The following REEP5 variants were observed in gnomAD, a reference collection of about 807,000 sequenced individuals.
REEP5 encodes the protein receptor expression-enhancing protein 5.
A neutral mutation model predicts 22.4 loss-of-function variants in REEP5; 24 were observed. The observed-to-expected ratio is 1.07, with a 90% confidence interval of 0.78 to 1.51. The LOEUF is 1.51. Among genes scored for constraint, REEP5 ranks in the 40% most tolerant of loss-of-function variants. REEP5 has a pLI of 0.00. For synonymous variants in REEP5, 103 were observed against 88.6 expected (o/e 1.16, Z -0.92); for missense variants, 252 against 233.0 (o/e 1.08, Z -0.53).
chr5:112,897,370 C>G (rs1008361399), intron 3 of REEP5: 1 of 150,984 alleles, frequency 6.6e-6, no homozygotes, highest in Non-Finnish European at 1.5e-5. Context: ...CACACACACA[C>G]ACACACACAC....
At chr5:112,906,151 G>A (rs1367612301) in intron 2 of REEP5, among the ~76,000 whole-genome samples, 2 of 152,228 alleles carry the variant, frequency 1.3e-5, no homozygotes, top group African/African-American at 4.8e-5. Flanking sequence ...CCATAGAATG[G>A]AGGGGTAGAA....
chr5:112,884,561 G>A (rs1356703212), intron 4 of REEP5, among the ~76,000 whole-genome samples: 6 of 151,848 alleles, frequency 4.0e-5, no homozygotes, highest in Non-Finnish European at 8.8e-5. Context: ...AATTTTTGTA[G>A]AGAGCGGGTC....
At chr5:112,914,439 T>C (rs1297369702) in intron 2 of REEP5, among the ~76,000 whole-genome samples, 1 of 151,942 alleles carries the variant, frequency 6.6e-6, no homozygotes, top group Non-Finnish European at 1.5e-5. Context: ...GGTTTTGCCA[T>C]GTTGTCCAGG....
chr5:112,912,316 G>C (rs937925438), intron 2 of REEP5, among the ~76,000 whole-genome samples: 4 of 152,066 alleles, frequency 2.6e-5, no homozygotes, highest in African/African-American at 9.7e-5. Flanking sequence ...CTAGCCAAAT[G>C]ACATAAAATT....
At chr5:112,918,629 A>T (rs1334054740) in intron 2 of REEP5, among the ~76,000 whole-genome samples, 1 of 152,210 alleles carries the variant, frequency 6.6e-6, no homozygotes, top group Non-Finnish European at 1.5e-5. Context: ...TGACCTTAAA[A>T]TATAAATCGT....
chr5:112,914,383 G>A (rs1355541352), intron 2 of REEP5, among the ~76,000 whole-genome samples: 13 of 151,542 alleles, frequency 8.6e-5, no homozygotes, highest in African/African-American at 2.9e-4. Context: ...TGGAGTAGCT[G>A]GGACTACAGG....
intron 4 of REEP5, among the ~76,000 whole-genome samples, chr5:112,886,393 G>T (rs1768246137): frequency 6.6e-6 from 1 of 152,166 alleles, no homozygotes; most frequent in Admixed American, 6.5e-5. Context: ...TTAGACAAGT[G>T]TCTTAGAGTA....
chr5:112,899,051 A>G (rs1181315644), intron 3 of REEP5, among the ~76,000 whole-genome samples: 1 of 152,128 alleles, frequency 6.6e-6, no homozygotes, highest in Non-Finnish European at 1.5e-5. Flanking sequence ...TTAACCATAA[A>G]TGGTGTGATA....
chr5:112,877,909 C>A lies in REEP5; in HGVS notation c.*877G>T, dbSNP rs766452390. ...TCCATTGTAGCATCTTGACAATAGA[C>A]AAATATGTAAAGTTTATAGCAGATA... On this transcript the variant is annotated 3_prime_UTR_variant, in exon 5 of 5. Transcript: ENST00000379638. The A allele has an allele frequency of 1.3e-5, 2 of 151,742 alleles. No homozygotes were observed. Among genetic ancestry groups the A allele is most frequent in the South Asian group, 4.2e-4 (2 of 4,816 alleles). The allele number at this position is 151,742 out of a possible 1,614,324, so 9.4% of individuals were successfully genotyped here. A position where few individuals can be genotyped will look rare whatever the true frequency, so the allele number is the denominator to read the frequency against.
intron 2 of REEP5, among the ~76,000 whole-genome samples, chr5:112,914,680 G>A (rs187903203): frequency 6.6e-6 from 1 of 152,288 alleles, no homozygotes; most frequent in East Asian, 1.9e-4. Context: ...CAACTTAGAA[G>A]GGGAACAACC....
rs1300321604 is a variant in REEP5 at position 112,878,141 on chromosome 5, A to G, written c.*645T>C. On this transcript the variant is annotated 3_prime_UTR_variant, in exon 5 of 5. Transcript: ENST00000379638. ...ACCAGGCCAATCTCCATTCGATTTC[A>G]TTTCTCACTTTGTTCACTTGCATAT... The G allele has an allele frequency of 6.6e-6, 1 of 152,480 alleles. No homozygotes were observed. The highest frequency in any genetic ancestry group is 1.5e-5 in the Non-Finnish European group (1 of 68,048). The allele number at this position is 152,480 out of a possible 1,614,324, so 9.4% of individuals were successfully genotyped here.
chr5:112,891,802 G>T (rs1302979864), intron 3 of REEP5: 1 of 1,606,928 alleles, frequency 6.2e-7, no homozygotes, highest in South Asian at 1.1e-5. Context: ...GGAGGAAGAG[G>T]ACACTTTTAT....
intron 2 of REEP5, among the ~76,000 whole-genome samples, chr5:112,908,720 A>C (rs534359823): frequency 6.6e-6 from 1 of 151,738 alleles, no homozygotes; most frequent in East Asian, 2.0e-4. Context: ...CACGCCAGCT[A>C]ATTTTTTGTA....
intron 4 of REEP5, 42 bp from the exon 5 acceptor site, chr5:112,878,877 C>T: frequency 1.2e-6 from 2 of 1,613,410 alleles, no homozygotes; most frequent in Non-Finnish European, 1.7e-6. Flanking sequence ...TATCAAAGCT[C>T]TTTCTTTGGA....
intron 2 of REEP5, among the ~76,000 whole-genome samples, chr5:112,907,907 TA>T (rs1768991720): frequency 6.6e-6 from 1 of 152,158 alleles, no homozygotes; most frequent in African/African-American, 2.4e-5. Flanking sequence ...GATGTTTTTA[TA>T]TGTTTACAGA....
At chr5:112,878,859 G>GAAAA (rs750944655) in intron 4 of REEP5, 24 bp from the exon 5 acceptor site, 1 of 1,613,792 alleles carries the variant, frequency 6.2e-7, no homozygotes, top group South Asian at 1.1e-5. Context: ...AGGAGGGAAA[G>GAAAA]AAAAATATAT....
In REEP5 at chr5:112,877,130, T is replaced by G. The variant is rs988534685; in HGVS notation, c.*1656A>C. Reference sequence around the variant, plus strand: ...TGTTTGCTTTCTACAAAGTTTTAAGTTTAATAAAATGCCGGTAATCACCAC... The same window carrying G: ...TGTTTGCTTTCTACAAAGTTTTAAGGTTAATAAAATGCCGGTAATCACCAC... On this transcript the variant is annotated 3_prime_UTR_variant, in exon 5 of 5. Transcript: ENST00000379638. 6.6e-6 allele frequency: 1 copy of G among 152,190 alleles called. No individual in the cohort carries two copies. The highest frequency in any genetic ancestry group is 1.5e-5 in the Non-Finnish European group (1 of 68,032). 9.4% of individuals were successfully genotyped at this position (152,190 alleles called of 1,614,324 possible).
intron 2 of REEP5, among the ~76,000 whole-genome samples, chr5:112,914,673 C>G (rs182102217): frequency 6.6e-6 from 1 of 152,272 alleles, no homozygotes; most frequent in Non-Finnish European, 1.5e-5. Flanking sequence ...AACCTCACAA[C>G]TTAGAAGGGG....
intron 3 of REEP5, chr5:112,897,836 A>G (rs1315534133): frequency 6.6e-6 from 1 of 152,168 alleles, no homozygotes; most frequent in Non-Finnish European, 1.5e-5. Context: ...AGGCGGGCAG[A>G]TCACTTGAGG....
Sources: allele counts gnomAD v4.1 joint callset (sites outside exome capture counted in the v4.1 genomes callset), GRCh38; gene constraint gnomAD v4.1.1; transcripts MANE v1.5; gene names NCBI Gene and HGNC (gene_info 2026-07-23, HGNC 2026-07-21).